Variants in NBAS observed in about 807,000 individuals in gnomAD.
NBAS encodes the protein NBAS subunit of NRZ tethering complex, also known as NAG/BC035112 fusion.
A neutral mutation model predicts 302.5 loss-of-function variants in NBAS; 219 were observed. The ratio of observed to expected loss-of-function variants is 0.72; its 90% confidence interval spans 0.65 to 0.81. NBAS has a LOEUF of 0.81. NBAS is among the 30% of genes least tolerant of loss of function. NBAS has a pLI of 0.00. For missense variants in NBAS, 2,932 were observed against 2,841.6 expected (o/e 1.03, Z -0.72); for synonymous variants, 1,118 against 1,021.6 (o/e 1.09, Z -1.80).
chr2:14,959,286 T>A, the NBAS span, among the ~76,000 whole-genome samples: 1 of 152,212 alleles, frequency 6.6e-6, no homozygotes, highest in African/African-American at 2.4e-5. Flanking sequence ...GCTATACACA[T>A]GCACACTACC....
At chr2:14,945,040 T>C in the NBAS span, among the ~76,000 whole-genome samples, 5 of 152,202 alleles carry the variant, frequency 3.3e-5, no homozygotes, top group African/African-American at 4.8e-5. Context: ...CTGGAAACTC[T>C]ACTGTGTAAC....
the NBAS span, among the ~76,000 whole-genome samples, chr2:15,156,328 G>A: frequency 6.6e-6 from 1 of 152,194 alleles, no homozygotes; most frequent in Non-Finnish European, 1.5e-5. Flanking sequence ...AGGTTGTCAG[G>A]CACAGGAGTG....
intron 6 of NBAS, among the ~76,000 whole-genome samples, chr2:15,544,786 T>C (rs6708169): frequency 0.64 from 96,914 of 151,866 alleles, 31,631 homozygotes; most frequent in Non-Finnish European, 0.68. Context: ...CCAAGGCGGG[T>C]GGATAACGAG....
intron 6 of NBAS, among the ~76,000 whole-genome samples, chr2:15,548,754 C>T (rs748313970): frequency 3.3e-5 from 5 of 151,160 alleles, no homozygotes; most frequent in African/African-American, 9.7e-5. Context: ...ATGGTGGGAG[C>T]GAACACAGGG....
the NBAS span, among the ~76,000 whole-genome samples, chr2:14,982,656 C>T: frequency 3.3e-5 from 5 of 151,946 alleles, no homozygotes; most frequent in African/African-American, 1.2e-4. Flanking sequence ...AGGTATGTGA[C>T]ATTGGATGGA....
the NBAS span, among the ~76,000 whole-genome samples, chr2:15,159,426 T>G: frequency 1.4e-5 from 2 of 147,500 alleles, no homozygotes; most frequent in South Asian, 2.2e-4. Flanking sequence ...TACAAAAGAG[T>G]AGCATTCAGC....
chr2:15,375,221 G>A (rs984605795), intron 30 of NBAS, among the ~76,000 whole-genome samples: 2 of 152,192 alleles, frequency 1.3e-5, no homozygotes, highest in Non-Finnish European at 2.9e-5. Flanking sequence ...AGAGAAATCT[G>A]TTGGTAATAC....
At chr2:14,961,082 C>A in the NBAS span, among the ~76,000 whole-genome samples, 1 of 152,140 alleles carries the variant, frequency 6.6e-6, no homozygotes, top group Non-Finnish European at 1.5e-5. Context: ...CTCTTAGGGA[C>A]AGTTTTCTTT....
chr2:15,080,696 T>A, the NBAS span, among the ~76,000 whole-genome samples: 4 of 152,304 alleles, frequency 2.6e-5, no homozygotes, highest in South Asian at 8.3e-4. Context: ...TTCACTCCCA[T>A]GTCTGGCACC....
the NBAS span, among the ~76,000 whole-genome samples, chr2:14,911,872 T>C: frequency 6.6e-6 from 1 of 152,276 alleles, no homozygotes; most frequent in African/African-American, 2.4e-5. Context: ...ACCTAACATA[T>C]AGGATTGTTA....
chr2:14,892,048 A>G, the NBAS span, among the ~76,000 whole-genome samples: 5,778 of 152,282 alleles, frequency 0.038, 138 homozygotes, highest in Non-Finnish European at 0.051. Flanking sequence ...CACTGTTATT[A>G]TGAGGCAAGC....
Position 15,539,214 on chromosome 2 carries a change from T to G in NBAS, c.513+9A>C, listed in dbSNP as rs1389214320. ...AAAACTATGTTTTCAATTTAAGCTA[T>G]GTACATACCGGGGAAATGACAAAGA... On this transcript the variant is annotated intron_variant, in intron 7 of 51. Coordinates refer to ENST00000281513, the MANE Select transcript of NBAS (RefSeq NM_015909.4). 4.3e-6 allele frequency: 7 copies of G among 1,614,190 alleles called. No individual in the cohort carries two copies. The highest frequency in any genetic ancestry group is 5.9e-6 in the Non-Finnish European group (7 of 1,180,020).
At chr2:15,335,721 T>A (rs1056440094) in intron 35 of NBAS, among the ~76,000 whole-genome samples, 6 of 152,222 alleles carry the variant, frequency 3.9e-5, no homozygotes, top group Admixed American at 2.6e-4. Flanking sequence ...ATATTCTGGA[T>A]ACACATCCCT....
At chr2:14,925,932 A>C in the NBAS span, among the ~76,000 whole-genome samples, 3 of 152,342 alleles carry the variant, frequency 2.0e-5, no homozygotes, top group East Asian at 1.9e-4. Flanking sequence ...ATATATTGCT[A>C]GTGTTTAAAG....
the NBAS span, among the ~76,000 whole-genome samples, chr2:14,958,325 C>T: frequency 6.6e-6 from 1 of 152,208 alleles, no homozygotes; most frequent in Non-Finnish European, 1.5e-5. Context: ...TTTGTTTTCT[C>T]ATCTGGGCAG....
the NBAS span, among the ~76,000 whole-genome samples, chr2:14,958,505 G>A: frequency 1.3e-5 from 2 of 152,136 alleles, no homozygotes; most frequent in Non-Finnish European, 2.9e-5. Flanking sequence ...TGGCAACAAT[G>A]GAGCAAATGC....
chr2:15,276,447 T>C (rs180879028), intron 43 of NBAS, among the ~76,000 whole-genome samples: 7 of 152,368 alleles, frequency 4.6e-5, no homozygotes, highest in Admixed American at 4.6e-4. Context: ...TCAAAGGCTC[T>C]TAAGTGTTCC....
chr2:15,250,510 A>G lies in NBAS; in HGVS notation c.5725-11824T>C, dbSNP rs372044800. Among the ~76,000 whole-genome samples, 8 of 152,352 alleles carry G rather than the reference A, an allele frequency of 5.3e-5. No individual in the cohort carries two copies. In the South Asian group the frequency reaches 8.3e-4, roughly 16 times the overall value. On this transcript the variant is annotated intron_variant, in intron 44 of 51. Coordinates refer to ENST00000281513, the MANE Select transcript of NBAS (RefSeq NM_015909.4). ...CTTCTGCACAGCAAAAGAAACTATCATCAGAGTGAACAGGCAGTCTACAGA... is the reference window on the plus strand; with the variant it reads ...CTTCTGCACAGCAAAAGAAACTATCGTCAGAGTGAACAGGCAGTCTACAGA...
intron 9 of NBAS, among the ~76,000 whole-genome samples, chr2:15,528,983 C>T (rs2148672013): frequency 6.6e-6 from 1 of 150,610 alleles, no homozygotes; most frequent in Middle Eastern, 3.5e-3. Flanking sequence ...TCCATCTTTA[C>T]ATCTCCCCCA....
Sources: allele counts gnomAD v4.1 joint callset (sites outside exome capture counted in the v4.1 genomes callset), GRCh38; gene constraint gnomAD v4.1.1; transcripts MANE v1.5; gene names NCBI Gene and HGNC (gene_info 2026-07-23, HGNC 2026-07-21).